Variants in GPHN observed in about 807,000 individuals in gnomAD.
The protein encoded by GPHN is gephyrin.
In GPHN, 17 loss-of-function variants were observed where a neutral mutation model predicts 95.5. The observed-to-expected ratio is 0.18, with a 90% CI of 0.12 to 0.27. GPHN has a LOEUF of 0.27. GPHN is among the 10% of genes least tolerant of loss of function. The pLI is 1.00. For synonymous variants in GPHN, 320 were observed against 322.5 expected (o/e 0.99, Z 0.08); for missense variants, 660 against 978.1 (o/e 0.67, Z 4.34).
At chr14:67,235,166 A>AG in the GPHN span, among the ~76,000 whole-genome samples, 6 of 151,596 alleles carry the variant, frequency 4.0e-5, no homozygotes, top group African/African-American at 1.5e-4. Context: ...CAAAAAAAAA[A>AG]AAGTTCAGGC....
At chr14:67,082,289 T>C (rs1050076211) in intron 11 of GPHN, among the ~76,000 whole-genome samples, 2 of 152,194 alleles carry the variant, frequency 1.3e-5, no homozygotes, top group Non-Finnish European at 2.9e-5. Flanking sequence ...CAGTGTTTTG[T>C]AGTTTTCCTT....
At chr14:67,599,916 A>G in the GPHN span, 1 of 860,434 alleles carries the variant, frequency 1.2e-6, no homozygotes, top group South Asian at 1.8e-5. Flanking sequence ...CTGTCCTATC[A>G]CTGTAGGAGG....
the GPHN span, chr14:67,352,754 G>T: frequency 1.8e-6 from 1 of 554,720 alleles, no homozygotes; most frequent in African/African-American, 1.9e-5. Flanking sequence ...AAAGAGTTTG[G>T]ATTTTATTAA....
At chr14:66,529,966 T>C (rs1320218223) in intron 1 of GPHN, among the ~76,000 whole-genome samples, 1 of 152,150 alleles carries the variant, frequency 6.6e-6, no homozygotes, top group Non-Finnish European at 1.5e-5. Context: ...TTAGCAGAGC[T>C]CAAGCACTGT....
At chr14:66,529,138 A>G (rs897643386) in intron 1 of GPHN, among the ~76,000 whole-genome samples, 3 of 151,562 alleles carry the variant, frequency 2.0e-5, no homozygotes, top group Admixed American at 2.0e-4. Flanking sequence ...ACATAGTCCC[A>G]TATTTCTTGG....
At chr14:67,198,114 A>T in the GPHN span, 3 of 1,586,634 alleles carry the variant, frequency 1.9e-6, no homozygotes, top group East Asian at 6.7e-5. Flanking sequence ...TGTATCCACT[A>T]ATTGTGTTTC....
rs2065879985 is a variant in GPHN, at chr14:66,916,031, C to T, written c.418C>T (p.Leu140Phe). The T allele has an allele frequency of 1.2e-6, 2 of 1,604,164 alleles. No individual in the cohort carries two copies. The part of the protein sequence containing the change: ...RPVCGIRGKT[L>F]IINLPGSKKG... ...TGTATGTGGAATCAGAGGGAAAACG[C>T]TCATAATTAACCTGCCAGGTAGCAA... is the stretch of plus-strand genomic sequence containing the variant. Residue 140 changes from leucine to phenylalanine, a missense_variant, in exon 6 of 23, where the codon CTC (leucine) becomes TTC (phenylalanine). Physicochemically the swap from Leu to Phe is conservative, Grantham distance 22. Around this residue, in one of 6 missense-constraint regions of GPHN, gnomAD observed 71 missense variants for 130.8 expected, o/e 0.54. Coordinates refer to ENST00000478722, the MANE Select transcript of GPHN (RefSeq NM_020806.5).
intron 1 of GPHN, among the ~76,000 whole-genome samples, chr14:66,510,076 CA>C (rs2057979974): frequency 6.6e-6 from 1 of 152,154 alleles, no homozygotes. Flanking sequence ...AGGGAACCCC[CA>C]AATCAGAAGG....
the GPHN span, among the ~76,000 whole-genome samples, chr14:67,330,670 C>T: frequency 6.6e-6 from 1 of 152,240 alleles, no homozygotes; most frequent in East Asian, 1.9e-4. Context: ...GTTGGTCAGG[C>T]TGGTCCCAAA....
At chr14:66,662,414 A>C (rs1428958908) in intron 1 of GPHN, among the ~76,000 whole-genome samples, 1 of 152,206 alleles carries the variant, frequency 6.6e-6, no homozygotes, top group East Asian at 1.9e-4. Context: ...GATGCCCAGC[A>C]AACCACAGCA....
intron 1 of GPHN, among the ~76,000 whole-genome samples, chr14:66,619,753 T>A (rs964535518): frequency 2.0e-5 from 3 of 152,224 alleles, no homozygotes; most frequent in Non-Finnish European, 2.9e-5. Flanking sequence ...ATTGGCATTT[T>A]AAAATGTTTC....
intron 3 of GPHN, among the ~76,000 whole-genome samples, chr14:66,807,243 C>G (rs958187817): frequency 1.3e-5 from 2 of 152,112 alleles, no homozygotes; most frequent in Admixed American, 1.3e-4. Flanking sequence ...CCCCATGATT[C>G]AATTACCTCC....
intron 12 of GPHN, among the ~76,000 whole-genome samples, chr14:67,096,616 CT>C (rs200466980): frequency 0.014 from 1,920 of 134,632 alleles, 11 homozygotes; most frequent in South Asian, 0.06. Context: ...TCAAAGCAGT[CT>C]TTTTTTTTTT....
chr14:67,027,828 G>A (rs1441270865), intron 10 of GPHN, among the ~76,000 whole-genome samples: 1 of 152,062 alleles, frequency 6.6e-6, no homozygotes, highest in Non-Finnish European at 1.5e-5. Context: ...GATCAAGTCA[G>A]GGTATTTGGG....
chr14:67,318,722 T>G, the GPHN span, among the ~76,000 whole-genome samples: 2 of 152,222 alleles, frequency 1.3e-5, no homozygotes, highest in Non-Finnish European at 2.9e-5. Flanking sequence ...TATATGATGT[T>G]GTTCTCACAA....
At chr14:67,588,804 G>A in the GPHN span, 2 of 152,584 alleles carry the variant, frequency 1.3e-5, no homozygotes, top group Non-Finnish European at 2.9e-5. Flanking sequence ...CAAAAACTGC[G>A]AGGCCAGAAC....
the GPHN span, among the ~76,000 whole-genome samples, chr14:67,219,785 G>T: frequency 6.6e-6 from 1 of 152,008 alleles, no homozygotes; most frequent in Non-Finnish European, 1.5e-5. Context: ...AGCTCCCTAC[G>T]CCATTTATCA....
At chr14:67,710,225 C>T in the GPHN span, among the ~76,000 whole-genome samples, 6 of 152,176 alleles carry the variant, frequency 3.9e-5, no homozygotes, top group East Asian at 5.8e-4. Flanking sequence ...GTCATGGGCT[C>T]GTCCTCAAAC....
At chr14:67,675,294 A>C in the GPHN span, among the ~76,000 whole-genome samples, 6 of 151,514 alleles carry the variant, frequency 4.0e-5, no homozygotes, top group African/African-American at 1.5e-4. Flanking sequence ...GATTGCTTGA[A>C]CCCAGTAGTT....
Sources: gnomAD v4.1 joint callset for allele counts (sites outside exome capture counted in the v4.1 genomes callset) on GRCh38, gnomAD v4.1.1 for gene constraint, gnomAD v4.1.1 regional missense constraint, MANE v1.5 for transcripts, NCBI Gene and HGNC (gene_info 2026-07-23, HGNC 2026-07-21) for gene names.